IGDCC3: variants seen among roughly 807,000 people sequenced by gnomAD.
The protein encoded by IGDCC3 is putative neuronal cell adhesion molecule.
IGDCC3 carries 47 observed loss-of-function variants against 72.0 expected under a neutral mutation model. The observed-to-expected ratio is 0.65, with a 90% CI of 0.52 to 0.83. The LOEUF (loss-of-function observed/expected upper bound fraction) is 0.83, where lower values mean the gene tolerates loss of function less well. Ranked by LOEUF, IGDCC3 falls within the 40% of genes least tolerant of loss-of-function variation. IGDCC3 has a pLI of 0.00. For missense variants in IGDCC3, 1,038 were observed against 1,091.3 expected (o/e 0.95, Z 0.69); for synonymous variants, 477 against 472.8 (o/e 1.01, Z -0.11).
At position 65,331,629 on chromosome 15, in the gene IGDCC3, C is replaced by T. The variant is rs2090979349; in HGVS notation, c.1179G>A (p.Glu393=). 1.2e-6 allele frequency: 2 copies of T among 1,610,512 alleles called. No individual in the cohort carries two copies. The highest frequency in any genetic ancestry group is 1.3e-5 in the African/African-American group (1 of 74,974). ...STLTISGIGP[E]DEAIYQCVAE... ...CCACACACTGATAAATGGCTTCATCCTCAGGACCGATTCCAGAAATGGTCA... is the reference window on the plus strand; with the variant it reads ...CCACACACTGATAAATGGCTTCATCTTCAGGACCGATTCCAGAAATGGTCA... The change falls in exon 8 of 14, where the codon GAG becomes GAA. Residue 393 remains glutamate (E), a synonymous_variant. Coordinates refer to ENST00000327987, the MANE Select transcript of IGDCC3 (RefSeq NM_004884.4).
rs889594904 is a variant in IGDCC3 at position 65,335,196 on chromosome 15, G to C, written c.685+95C>G. The C allele has an allele frequency of 6.6e-6, 9 of 1,365,082 alleles. No homozygotes were observed. In the African/African-American group the frequency reaches 1.3e-4, roughly 20 times the overall value. 84.6% of individuals were successfully genotyped at this position (1,365,082 alleles called of 1,614,324 possible). A position where few individuals can be genotyped will look rare whatever the true frequency, so the allele number is the denominator to read the frequency against. ...CACTCTGCACGCACGTGGCTGAGAA[G>C]GCTGCAGAGGCCAGCTGAAGGGGGT... On this transcript the variant is annotated intron_variant, in intron 4 of 13. Transcript: ENST00000327987.
rs564026996 is a variant in IGDCC3, at chr15:65,335,180, C to T, written c.685+111G>A. The T allele has an allele frequency of 1.2e-4, 146 of 1,201,434 alleles. 1 individual carries two copies. The South Asian group carries it at 1.9e-3, about 16-fold the overall frequency. 74.4% of individuals were successfully genotyped at this position (1,201,434 alleles called of 1,614,324 possible). On this transcript the variant is annotated intron_variant, in intron 4 of 13. Coordinates refer to ENST00000327987, the MANE Select transcript of IGDCC3 (RefSeq NM_004884.4). ...GCAGCACAGAGCCCGGCACTCTGCACGCACGTGGCTGAGAAGGCTGCAGAG... is the reference window on the plus strand; with the variant it reads ...GCAGCACAGAGCCCGGCACTCTGCATGCACGTGGCTGAGAAGGCTGCAGAG...
chr15:65,367,466 A>T (rs1360682410), intron 2 of IGDCC3, among the ~76,000 whole-genome samples: 1 of 151,912 alleles, frequency 6.6e-6, no homozygotes, highest in Non-Finnish European at 1.5e-5. Context: ...AGCATGACAC[A>T]TGTATACATA....
intron 2 of IGDCC3, among the ~76,000 whole-genome samples, chr15:65,347,251 T>C (rs1256613426): frequency 6.6e-6 from 1 of 152,208 alleles, no homozygotes; most frequent in Non-Finnish European, 1.5e-5. Flanking sequence ...TCCAGAGCCA[T>C]ATATTAGGAT....
chr15:65,345,597 C>T (rs2091118554), intron 2 of IGDCC3, among the ~76,000 whole-genome samples: 1 of 145,388 alleles, frequency 6.9e-6, no homozygotes, highest in African/African-American at 2.7e-5. Flanking sequence ...CACGCATGCA[C>T]ACACAGACAC....
chr15:65,369,102 C>T (rs1265617368), intron 2 of IGDCC3, among the ~76,000 whole-genome samples: 1 of 152,186 alleles, frequency 6.6e-6, no homozygotes, highest in African/African-American at 2.4e-5. Flanking sequence ...GTGAATGCCA[C>T]AGACCACAAA....
chr15:65,341,955 A>G (rs1451333430), intron 2 of IGDCC3, among the ~76,000 whole-genome samples: 2 of 152,086 alleles, frequency 1.3e-5, no homozygotes, highest in African/African-American at 4.8e-5. Flanking sequence ...TTGTATTTTT[A>G]GTAGAGACGG....
chr15:65,330,908 T>C, intron 9 of IGDCC3, 142 bp downstream of exon 9: 2 of 1,132,472 alleles, frequency 1.8e-6, no homozygotes, highest in Non-Finnish European at 2.5e-6. Flanking sequence ...AAAGAAGCCC[T>C]TTCCTCCAAG....
In IGDCC3 at chr15:65,334,777, C is replaced by G; in HGVS notation, c.774G>C (p.Glu258Asp). 4 of 1,608,422 alleles carry G rather than the reference C, an allele frequency of 2.5e-6. No homozygotes were observed. The highest frequency in any genetic ancestry group is 3.4e-6 in the Non-Finnish European group (4 of 1,177,568). Residue 258 changes from glutamate to aspartate, a missense_variant, in exon 5 of 14, where the codon GAG becomes GAC. Glu to Asp is a conservative substitution (Grantham distance 45, BLOSUM62 2). Coordinates refer to ENST00000327987, the MANE Select transcript of IGDCC3 (RefSeq NM_004884.4). ...GGCGCGGGTTGCCCGTGGCGACACA[C>G]TCAAGCACCGCGGTCTGGTGCACTG... ...TLTVHQTAVL[E>D]CVATGNPRPI...
intron 2 of IGDCC3, among the ~76,000 whole-genome samples, chr15:65,367,052 C>T (rs947141093): frequency 1.3e-5 from 2 of 152,142 alleles, no homozygotes; most frequent in Non-Finnish European, 2.9e-5. Flanking sequence ...AATAAGAAAA[C>T]TATGGCCCAG....
chr15:65,342,039 T>A (rs974148602), intron 2 of IGDCC3, among the ~76,000 whole-genome samples: 1 of 151,900 alleles, frequency 6.6e-6, no homozygotes, highest in Non-Finnish European at 1.5e-5. Flanking sequence ...CCTCCCAAAG[T>A]GTTGGGATTA....
chr15:65,366,619 C>T (rs1206835042), intron 2 of IGDCC3, among the ~76,000 whole-genome samples: 1 of 152,168 alleles, frequency 6.6e-6, no homozygotes, highest in Non-Finnish European at 1.5e-5. Context: ...CGGGTGGAGC[C>T]CCTAGGGCAC....
chr15:65,367,011 G>A (rs975552291), intron 2 of IGDCC3, among the ~76,000 whole-genome samples: 3 of 152,256 alleles, frequency 2.0e-5, no homozygotes, highest in African/African-American at 7.2e-5. Context: ...GCTTGCCAGA[G>A]TGCAGCTAGA....
At chr15:65,332,976 T>G (rs1271661018) in intron 6 of IGDCC3, among the ~76,000 whole-genome samples, 2 of 151,554 alleles carry the variant, frequency 1.3e-5, no homozygotes, top group Non-Finnish European at 2.9e-5. Flanking sequence ...CCAGCTGAGA[T>G]GAGAAAGTGG....
intron 2 of IGDCC3, among the ~76,000 whole-genome samples, chr15:65,363,107 G>A (rs1028384956): frequency 2.6e-5 from 4 of 152,140 alleles, no homozygotes; most frequent in South Asian, 2.1e-4. Context: ...TGATCTGCCC[G>A]CCTCAGCCTC....
In IGDCC3 at chr15:65,368,832, T is replaced by C. The variant is rs145082738; in HGVS notation, c.409+6265A>G. ...CACAAGCTTCTGTTCCTTTGAGCTG[T>C]GCTATCAATTACAAGGGGGGTGGGG... On this transcript the variant is annotated intron_variant, in intron 2 of 13. Transcript: ENST00000327987. Among the ~76,000 whole-genome samples, 5 of 151,968 alleles carry C rather than the reference T, an allele frequency of 3.3e-5. No homozygotes were observed. In the East Asian group the frequency reaches 9.8e-4, roughly 30 times the overall value.
chr15:65,368,182 AC>A (rs2091300635), intron 2 of IGDCC3, among the ~76,000 whole-genome samples: 1 of 151,304 alleles, frequency 6.6e-6, no homozygotes, highest in East Asian at 1.9e-4. Flanking sequence ...ACACACACAC[AC>A]ACACACACAC....
At chr15:65,371,999 G>A (rs1465970022) in intron 2 of IGDCC3, among the ~76,000 whole-genome samples, 1 of 152,206 alleles carries the variant, frequency 6.6e-6, no homozygotes, top group East Asian at 1.9e-4. Context: ...GCTTTCCCTG[G>A]AGAACTCCCT....
chr15:65,328,812 C>G lies in IGDCC3; in HGVS notation c.*97G>C, dbSNP rs2090946689. The G allele has an allele frequency of 6.9e-7, 1 of 1,442,650 alleles. No individual in the cohort carries two copies. The highest frequency in any genetic ancestry group is 1.5e-5 in the African/African-American group (1 of 68,520). 89.4% of individuals were successfully genotyped at this position (1,442,650 alleles called of 1,614,324 possible). On this transcript the variant is annotated 3_prime_UTR_variant, in exon 14 of 14. Coordinates refer to ENST00000327987, the MANE Select transcript of IGDCC3 (RefSeq NM_004884.4). ...TCAGGATAGAAATGCTGGGGAGCCC[C>G]CAGGACCATCCAAATCCCACATGAC... is the stretch of plus-strand genomic sequence containing the variant.
Sources: gnomAD v4.1 joint callset for allele counts (sites outside exome capture counted in the v4.1 genomes callset) on GRCh38, gnomAD v4.1.1 for gene constraint, MANE v1.5 for transcripts, NCBI Gene and HGNC (gene_info 2026-07-23, HGNC 2026-07-21) for gene names.